Variants in ANO10 observed in about 807,000 individuals in gnomAD.
The protein encoded by ANO10 is anoctamin 10.
ANO10 carries 77 observed loss-of-function variants against 74.7 expected under a neutral mutation model. The observed-to-expected ratio is 1.03, with a 90% CI of 0.86 to 1.25. ANO10 has a LOEUF of 1.25. Among genes scored for constraint, ANO10 ranks in the 50% most tolerant of loss-of-function variants. The probability of loss-of-function intolerance (pLI) is 0.00; values close to 1 mark genes in which losing one functional copy is unlikely to be tolerated. For missense variants in ANO10, 721 were observed against 778.1 expected, an observed-to-expected ratio of 0.93 and a Z score of 0.87; for synonymous variants, 279 against 284.9, an observed-to-expected ratio of 0.98 and a Z score of 0.21.
At chr3:43,471,476 G>A (rs1357435451) in intron 11 of ANO10, among the ~76,000 whole-genome samples, 1 of 152,120 alleles carries the variant, frequency 6.6e-6, no homozygotes, top group African/African-American at 2.4e-5. Context: ...TGAACATCAA[G>A]GGTGTTAAAT....
In ANO10 at chr3:43,643,512, C is replaced by A. The variant is rs944656641; in HGVS notation, c.-11-37649G>T. ...TCCAGAAGAATTCTAATTTGCATTT[C>A]TCTTATTGTAAGGGAAATTGGGCGT... On this transcript the variant is annotated intron_variant, in intron 1 of 3. Coordinates refer to the ANO10 transcript ENST00000413397. Among the ~76,000 whole-genome samples, 26 of 151,780 alleles carry A rather than the reference C, an allele frequency of 1.7e-4. 1 individual carries two copies. Among genetic ancestry groups the A allele is most frequent in the African/African-American group, 5.8e-4 (24 of 41,146 alleles).
chr3:43,406,169 G>A (rs187293099), intron 12 of ANO10, among the ~76,000 whole-genome samples: 30 of 152,172 alleles, frequency 2.0e-4, no homozygotes, highest in African/African-American at 7.0e-4. Flanking sequence ...CCATCTGCAT[G>A]GCAACCACTC....
At chr3:43,507,259 G>A (rs941981458) in intron 11 of ANO10, among the ~76,000 whole-genome samples, 1 of 152,210 alleles carries the variant, frequency 6.6e-6, no homozygotes, top group African/African-American at 2.4e-5. Context: ...AGGGATGTGA[G>A]AAATTTTCTG....
intron 11 of ANO10, among the ~76,000 whole-genome samples, chr3:43,470,189 A>C (rs1348426764): frequency 6.6e-6 from 1 of 152,240 alleles, no homozygotes. Context: ...AAAGACATAG[A>C]GAAATCTTAA....
chr3:43,656,766 C>T (rs567981111), intron 1 of ANO10, among the ~76,000 whole-genome samples: 1 of 152,358 alleles, frequency 6.6e-6, no homozygotes, highest in East Asian at 1.9e-4. Context: ...CCAGCTGGCC[C>T]TCAAGTGCTG....
intron 11 of ANO10, among the ~76,000 whole-genome samples, chr3:43,547,692 C>T (rs1245212488): frequency 6.6e-6 from 1 of 152,168 alleles, no homozygotes; most frequent in African/African-American, 2.4e-5. Context: ...ACTAGCAAAA[C>T]CATCCTGTTT....
intron 1 of ANO10, among the ~76,000 whole-genome samples, chr3:43,662,119 C>A (rs1356189101): frequency 6.6e-6 from 1 of 152,210 alleles, no homozygotes; most frequent in Admixed American, 6.5e-5. Flanking sequence ...CTCAGCACTA[C>A]GTCGCACTTA....
At chr3:43,636,714 T>C (rs1377449443) in intron 1 of ANO10, among the ~76,000 whole-genome samples, 4 of 152,270 alleles carry the variant, frequency 2.6e-5, no homozygotes, top group Non-Finnish European at 4.4e-5. Context: ...TATTGTCATA[T>C]ATTTTTGTGT....
intron 11 of ANO10, among the ~76,000 whole-genome samples, chr3:43,496,397 G>A (rs2076915350): frequency 6.6e-6 from 1 of 152,068 alleles, no homozygotes; most frequent in African/African-American, 2.4e-5. Context: ...TCAAATTTCA[G>A]AAGCACAGAT....
At chr3:43,657,107 C>T (rs567541197) in intron 1 of ANO10, among the ~76,000 whole-genome samples, 10 of 152,250 alleles carry the variant, frequency 6.6e-5, no homozygotes, top group Non-Finnish European at 1.3e-4. Flanking sequence ...ATGCAACTCA[C>T]ATGAAGAAAT....
chr3:43,480,444 G>A (rs890909426), intron 11 of ANO10, among the ~76,000 whole-genome samples: 4 of 152,212 alleles, frequency 2.6e-5, no homozygotes, highest in African/African-American at 9.6e-5. Flanking sequence ...CTTCCAGAGA[G>A]AATGAACAGA....
intron 4 of ANO10, among the ~76,000 whole-genome samples, chr3:43,586,810 T>C (rs779085138): frequency 6.6e-6 from 1 of 151,484 alleles, no homozygotes; most frequent in Non-Finnish European, 1.5e-5. Context: ...AGAGAAGCAA[T>C]GCAAGAGAAA....
intron 12 of ANO10, chr3:43,372,990 G>T: frequency 1.2e-6 from 1 of 820,856 alleles, no homozygotes; most frequent in Non-Finnish European, 1.9e-6. Context: ...CTTGAAGTCA[G>T]CATCACTCTC....
chr3:43,566,975 G>A, intron 7 of ANO10, among the ~76,000 whole-genome samples: 1 of 152,172 alleles, frequency 6.6e-6, no homozygotes, highest in Non-Finnish European at 1.5e-5. Flanking sequence ...AACCAATACA[G>A]AGAAGTGCTT....
intron 10 of ANO10, among the ~76,000 whole-genome samples, chr3:43,551,211 C>T (rs2079441236): frequency 6.6e-6 from 1 of 152,160 alleles, no homozygotes; most frequent in Non-Finnish European, 1.5e-5. Context: ...AGGCTAAATT[C>T]TGGAAAGTGA....
chr3:43,554,884 A>C (rs2079661570), intron 10 of ANO10, among the ~76,000 whole-genome samples: 1 of 152,154 alleles, frequency 6.6e-6, no homozygotes, highest in South Asian at 2.1e-4. Flanking sequence ...AGACTAGCAA[A>C]AACTAAAAAA....
chr3:43,366,682 G>A lies in ANO10; in HGVS notation c.*224C>T, dbSNP rs544065871. 5 of 604,984 alleles carry A rather than the reference G, an allele frequency of 8.3e-6. No homozygotes were observed. The highest frequency in any genetic ancestry group is 2.7e-5 in the Admixed American group (1 of 36,982). 37.5% of individuals were successfully genotyped at this position (604,984 alleles called of 1,614,324 possible). On this transcript the variant is annotated 3_prime_UTR_variant, in exon 13 of 13. Transcript: ENST00000292246. ...GCGTGTGGGGCCCGGGAAGGAACTG[G>A]GAAGGAGCAGACAGGGTGGGGCTGG...
At chr3:43,549,591 G>GT in intron 11 of ANO10, 129 bp downstream of exon 11, 1 of 1,036,982 alleles carries the variant, frequency 9.6e-7, no homozygotes, top group Non-Finnish European at 1.5e-6. Flanking sequence ...TACTTGAACT[G>GT]TTTTTGCTTT....
chr3:43,483,017 A>C (rs1003428009), intron 11 of ANO10, among the ~76,000 whole-genome samples: 3 of 152,210 alleles, frequency 2.0e-5, no homozygotes, highest in Admixed American at 1.3e-4. Context: ...ATGTTTATTA[A>C]ATTTGTCTCT....
Sources: gnomAD v4.1 joint callset for allele counts (sites outside exome capture counted in the v4.1 genomes callset) on GRCh38, gnomAD v4.1.1 for gene constraint, MANE v1.5 for transcripts, NCBI Gene and HGNC (gene_info 2026-07-23, HGNC 2026-07-21) for gene names.